Variants in RFX8 observed in about 807,000 individuals in gnomAD.
The protein encoded by RFX8 is DNA-binding protein RFX8.
A neutral mutation model predicts 54.6 loss-of-function variants in RFX8; 46 were observed. The ratio of observed to expected loss-of-function variants is 0.84; its 90% CI spans 0.67 to 1.08. RFX8 has a LOEUF of 1.08. RFX8 is among the 50% of genes least tolerant of loss of function. The probability of loss-of-function intolerance (pLI) is 0.00; values close to 1 mark genes in which losing one functional copy is unlikely to be tolerated. For synonymous variants in RFX8, 192 were observed against 209.5 expected (o/e 0.92, Z 0.72); for missense variants, 536 against 562.3 (o/e 0.95, Z 0.47).
intron 9 of RFX8, 71 bp from the exon 10 acceptor site, chr2:101,406,128 GCACA>G: frequency 3.6e-6 from 3 of 838,324 alleles, no homozygotes; most frequent in South Asian, 1.7e-5. Context: ...GTTTTCAAAT[GCACA>G]CATTTGTCAT....
intron 2 of RFX8, among the ~76,000 whole-genome samples, chr2:101,451,972 A>G (rs1688708771): frequency 6.6e-6 from 1 of 152,108 alleles, no homozygotes; most frequent in Non-Finnish European, 1.5e-5. Flanking sequence ...ACACACCTGC[A>G]GTCCTAGCTA....
chr2:101,429,660 G>A (rs962675909), intron 2 of RFX8, among the ~76,000 whole-genome samples: 1 of 152,224 alleles, frequency 6.6e-6, no homozygotes, highest in African/African-American at 2.4e-5. Context: ...CCACGTCCCC[G>A]TCACTCAGCT....
At chr2:101,401,696 T>C (rs905191838) in intron 11 of RFX8, among the ~76,000 whole-genome samples, 7 of 152,198 alleles carry the variant, frequency 4.6e-5, no homozygotes, top group Non-Finnish European at 1.0e-4. Flanking sequence ...CTCTGCTTCA[T>C]GGTACTGAGG....
intron 2 of RFX8, among the ~76,000 whole-genome samples, chr2:101,452,054 T>C (rs1460726351): frequency 1.3e-5 from 2 of 152,228 alleles, no homozygotes; most frequent in East Asian, 3.8e-4. Flanking sequence ...GATTGCAGCA[T>C]TGCACTCCAG....
intron 7 of RFX8, among the ~76,000 whole-genome samples, chr2:101,414,151 G>A (rs1686339602): frequency 6.6e-6 from 1 of 152,162 alleles, no homozygotes. Flanking sequence ...GAGTCCACAG[G>A]GCCCCACACA....
intron 2 of RFX8, among the ~76,000 whole-genome samples, chr2:101,445,807 C>A (rs1688343994): frequency 1.3e-5 from 2 of 152,086 alleles, no homozygotes; most frequent in Admixed American, 1.3e-4. Flanking sequence ...ACTGCTATAT[C>A]ACCAGTAGCT....
At chr2:101,427,368 G>T (rs911399814) in intron 2 of RFX8, among the ~76,000 whole-genome samples, 16 of 152,176 alleles carry the variant, frequency 1.1e-4, no homozygotes, top group Admixed American at 2.0e-4. Context: ...GCTGCAGGGA[G>T]CCAGAGAGAC....
intron 1 of RFX8, among the ~76,000 whole-genome samples, chr2:101,469,106 A>ATGT (rs1689815550): frequency 4.5e-5 from 1 of 21,986 alleles, no homozygotes; most frequent in African/African-American, 1.3e-4. Flanking sequence ...ATATATATAT[A>ATGT]AGTGTATATA....
At position 101,474,646 on chromosome 2, in the gene RFX8, A is replaced by G. The variant is rs62154334; in HGVS notation, c.-63T>C. On this transcript the variant is annotated 5_prime_UTR_variant, in exon 1 of 12. Transcript: ENST00000428343. ...CAAGCACCAACTTACACCTTTTCCA[A>G]TCTGGTCGCGGTGTTGAGTCCGTGG... 0.021 allele frequency: 3,746 copies of G among 181,492 alleles called. 54 individuals are homozygous for G. The highest frequency in any genetic ancestry group is 0.024 in the Non-Finnish European group (2,069 of 87,330). 11.2% of individuals were successfully genotyped at this position (181,492 alleles called of 1,614,324 possible). A position where few individuals can be genotyped will look rare whatever the true frequency, so the allele number is the denominator to read the frequency against.
chr2:101,471,730 T>C (rs967556214), intron 1 of RFX8, among the ~76,000 whole-genome samples: 4 of 152,230 alleles, frequency 2.6e-5, no homozygotes, highest in African/African-American at 4.8e-5. Flanking sequence ...AAACCTTCTA[T>C]TACCTCTGGC....
chr2:101,441,782 G>T (rs1688110506), intron 2 of RFX8, among the ~76,000 whole-genome samples: 1 of 152,136 alleles, frequency 6.6e-6, no homozygotes, highest in Admixed American at 6.5e-5. Flanking sequence ...ACCTGCCTAT[G>T]TCACTGAATT....
Position 101,413,158 on chromosome 2 carries a change from T to C in RFX8, c.562-87A>G, listed in dbSNP as rs1046517359. ...CTCCCCCAAATTGCCAAGATTTTTG[T>C]TGTGGGGGAGAAAGAAACATTGATG... On this transcript the variant is annotated intron_variant, in intron 7 of 11. Transcript: ENST00000428343. 6 of 1,062,912 alleles carry C rather than the reference T, an allele frequency of 5.6e-6. No homozygotes were observed. The Admixed American group carries it at 1.2e-4, about 21-fold the overall frequency. The allele number at this position is 1,062,912 out of a possible 1,614,324, so 65.8% of individuals were successfully genotyped here. A position where few individuals can be genotyped will look rare whatever the true frequency, so the allele number is the denominator to read the frequency against.
intron 11 of RFX8, among the ~76,000 whole-genome samples, chr2:101,400,122 G>A (rs1443470036): frequency 6.6e-6 from 1 of 152,200 alleles, no homozygotes; most frequent in Non-Finnish European, 1.5e-5. Flanking sequence ...GAGACTGTCA[G>A]CGTCTGCTCT....
intron 2 of RFX8, chr2:101,452,536 C>T: frequency 4.2e-6 from 2 of 475,642 alleles, no homozygotes; most frequent in Non-Finnish European, 6.9e-6. Context: ...AATGATATTC[C>T]TTTTCCTCTT....
chr2:101,405,656 T>C (rs1417058753), intron 10 of RFX8, among the ~76,000 whole-genome samples: 2 of 152,144 alleles, frequency 1.3e-5, no homozygotes, highest in African/African-American at 4.8e-5. Context: ...CTCTCGGTGC[T>C]TTTCTCTAAA....
intron 2 of RFX8, among the ~76,000 whole-genome samples, chr2:101,428,164 G>A (rs1687289742): frequency 6.6e-6 from 1 of 152,074 alleles, no homozygotes; most frequent in Non-Finnish European, 1.5e-5. Flanking sequence ...GTGGTTGCAG[G>A]CACCTGTAAT....
chr2:101,431,925 T>C (rs1687509253), intron 2 of RFX8, among the ~76,000 whole-genome samples: 1 of 152,166 alleles, frequency 6.6e-6, no homozygotes, highest in African/African-American at 2.4e-5. Context: ...TGTAGGGGCC[T>C]GTGTATAGCA....
chr2:101,398,014 A>G (rs1399184667), intron 11 of RFX8, among the ~76,000 whole-genome samples: 2 of 152,108 alleles, frequency 1.3e-5, no homozygotes, highest in African/African-American at 4.8e-5. Flanking sequence ...ATGTGCCACC[A>G]TGCCCAGCTA....
At chr2:101,421,631 G>A (rs1462118718) in intron 4 of RFX8, 93 bp downstream of exon 4, 10 of 1,490,138 alleles carry the variant, frequency 6.7e-6, no homozygotes, top group South Asian at 4.1e-5. Flanking sequence ...ATCTGTTGAC[G>A]GGGTCTCTTC....
Sources: gnomAD v4.1 joint callset for allele counts (sites outside exome capture counted in the v4.1 genomes callset) on GRCh38, gnomAD v4.1.1 for gene constraint, MANE v1.5 for transcripts, NCBI Gene and HGNC (gene_info 2026-07-23, HGNC 2026-07-21) for gene names.